Variants in MACROD2 observed in about 807,000 individuals in gnomAD.
MACROD2 encodes ADP-ribose glycohydrolase MACROD2.
MACROD2 carries 36 observed loss-of-function variants against 70.4 expected under a neutral mutation model. The ratio of observed to expected loss-of-function variants is 0.51; its 90% CI spans 0.39 to 0.68. MACROD2 has a LOEUF of 0.68. MACROD2 is among the 30% of genes least tolerant of loss of function. MACROD2 has a pLI of 0.00. For synonymous variants in MACROD2, 172 were observed against 178.8 expected (o/e 0.96, Z 0.30); for missense variants, 496 against 538.4 (o/e 0.92, Z 0.78).
intron 4 of MACROD2, among the ~76,000 whole-genome samples, chr20:14,558,386 A>G (rs1190714650): frequency 6.6e-6 from 1 of 151,806 alleles, no homozygotes; most frequent in African/African-American, 2.4e-5. Flanking sequence ...TAAACTAATT[A>G]AAAGACAGAT....
In MACROD2 at chr20:15,942,934, C is replaced by A. The variant is rs193257654; in HGVS notation, c.907+5390C>A. Among the ~76,000 whole-genome samples the A allele has an allele frequency of 8.0e-3, 1,211 of 152,252 alleles. 11 individuals are homozygous for A. Among genetic ancestry groups the A allele is most frequent in the African/African-American group, 0.027 (1,127 of 41,550 alleles). On this transcript the variant is annotated intron_variant, in intron 12 of 17. Coordinates refer to ENST00000684519, the MANE Select transcript of MACROD2 (RefSeq NM_001351661.2). ...TGCTCATTAATATTAAAAACAAAAT[C>A]AATTAATACTCAGGTGCATACCCAG...
intron 5 of MACROD2, chr20:14,894,017 C>T (rs1034077921): frequency 6.6e-6 from 1 of 151,608 alleles, no homozygotes; most frequent in African/African-American, 2.4e-5. Flanking sequence ...AACTCCTCAG[C>T]TCAAGCAATC....
chr20:15,208,426 T>C (rs982536361), intron 5 of MACROD2, among the ~76,000 whole-genome samples: 27 of 152,220 alleles, frequency 1.8e-4, no homozygotes, highest in African/African-American at 6.5e-4. Flanking sequence ...GGTCTGTTGA[T>C]TGCCTATTCT....
At chr20:15,191,919 T>TAC (rs1488215640) in intron 5 of MACROD2, among the ~76,000 whole-genome samples, 20 of 59,690 alleles carry the variant, frequency 3.4e-4, no homozygotes, top group African/African-American at 9.7e-4. Context: ...CATATGTGTA[T>TAC]ATATATATAT....
chr20:16,017,306 G>GAT (rs201960334), intron 15 of MACROD2, among the ~76,000 whole-genome samples: 1 of 150,368 alleles, frequency 6.7e-6, no homozygotes, highest in Middle Eastern at 3.4e-3. Context: ...TGGCTGCAAG[G>GAT]ATATTTTCTG....
chr20:14,486,179 A>C (rs1472575930), intron 3 of MACROD2, among the ~76,000 whole-genome samples: 1 of 152,214 alleles, frequency 6.6e-6, no homozygotes, highest in East Asian at 1.9e-4. Flanking sequence ...CACTTGAGGC[A>C]CAAAGAGACA....
At chr20:14,711,914 A>G (rs1600573561) in intron 5 of MACROD2, among the ~76,000 whole-genome samples, 1 of 152,212 alleles carries the variant, frequency 6.6e-6, no homozygotes. Context: ...GAGCTAGCTA[A>G]GTCCCTGTTA....
At chr20:14,272,289 T>A (rs4302276) in intron 3 of MACROD2, among the ~76,000 whole-genome samples, 8 of 151,914 alleles carry the variant, frequency 5.3e-5, no homozygotes, top group East Asian at 3.9e-4. Context: ...GACTAACAGC[T>A]GATCTCTCGG....
At chr20:15,550,048 A>C (rs370377219) in intron 8 of MACROD2, among the ~76,000 whole-genome samples, 54 of 152,124 alleles carry the variant, frequency 3.5e-4, no homozygotes, top group African/African-American at 1.3e-3. Context: ...AGATTTCCCC[A>C]GTTGACCCAA....
Position 14,218,618 on chromosome 20 carries a change from T to C in MACROD2, c.271+132890T>C, listed in dbSNP as rs531990957. Among the ~76,000 whole-genome samples the C allele has an allele frequency of 5.3e-5, 8 of 152,300 alleles. No homozygotes were observed. In the South Asian group the frequency reaches 1.2e-3, roughly 24 times the overall value. ...GTTTGCTTTTTAACTTGTATTTTTG[T>C]TTTATAGGTCCTGTGTGATTTATGC... On this transcript the variant is annotated intron_variant, in intron 3 of 17. Coordinates refer to ENST00000684519, the MANE Select transcript of MACROD2 (RefSeq NM_001351661.2).
intron 4 of MACROD2, among the ~76,000 whole-genome samples, chr20:14,579,714 A>G (rs1600410147): frequency 6.6e-6 from 1 of 152,336 alleles, no homozygotes; most frequent in South Asian, 2.1e-4. Context: ...TATGTATTGC[A>G]ATCATTTTGT....
intron 8 of MACROD2, among the ~76,000 whole-genome samples, chr20:15,620,996 C>T (rs937704690): frequency 2.0e-5 from 3 of 152,170 alleles, no homozygotes. Flanking sequence ...GTGGACTCCC[C>T]GGTGATAACT....
At chr20:14,304,087 C>T (rs1319038425) in intron 3 of MACROD2, among the ~76,000 whole-genome samples, 1 of 152,126 alleles carries the variant, frequency 6.6e-6, no homozygotes, top group African/African-American at 2.4e-5. Context: ...TGTCTGAGAC[C>T]TTTCCATTCT....
intron 8 of MACROD2, among the ~76,000 whole-genome samples, chr20:15,545,731 C>T (rs566409893): frequency 6.6e-6 from 1 of 152,222 alleles, no homozygotes; most frequent in South Asian, 2.1e-4. Context: ...TTTTAACCCT[C>T]TATTTAATCA....
rs144796226 is a variant in MACROD2, at chr20:15,469,773, C to T, written c.572-30001C>T. 1.0e-3 allele frequency among the ~76,000 whole-genome samples: 154 copies of T among 152,260 alleles called. 1 individual carries two copies. Among genetic ancestry groups the T allele is most frequent in the African/African-American group, 3.5e-3 (145 of 41,544 alleles). Reference sequence around the variant, plus strand: ...GGGTTTATGCAAATGGCCCCAGACACCTCATCCCAATATTACTCCTAGCAG... The same window carrying T: ...GGGTTTATGCAAATGGCCCCAGACATCTCATCCCAATATTACTCCTAGCAG... On this transcript the variant is annotated intron_variant, in intron 7 of 17. Coordinates refer to ENST00000684519, the MANE Select transcript of MACROD2 (RefSeq NM_001351661.2).
chr20:14,684,958 A>G lies in MACROD2; in HGVS notation c.417A>G (p.Lys139=). 6.2e-7 allele frequency: 1 copy of G among 1,608,862 alleles called. No homozygotes were observed. Among genetic ancestry groups the G allele is most frequent in the South Asian group, 1.1e-5 (1 of 90,968 alleles). ...KITCGYDLPA[K]YVIHTVGPIA... is the part of the protein sequence containing the mutation. ...CATGTGGCTATGACCTTCCTGCAAA[A>G]TGTGAGTACAACTGAATACTGTTTC... The change falls in exon 5 of 18, where the codon AAA becomes AAG. Residue 139 remains lysine (K), a splice_region_variant and synonymous_variant. Transcript: ENST00000684519.
At chr20:14,570,592 C>T (rs1980124300) in intron 4 of MACROD2, among the ~76,000 whole-genome samples, 1 of 151,638 alleles carries the variant, frequency 6.6e-6, no homozygotes, top group South Asian at 2.1e-4. Flanking sequence ...GAAAGAGATA[C>T]ATGATTAAAG....
intron 3 of MACROD2, among the ~76,000 whole-genome samples, chr20:14,329,503 A>G (rs1347390525): frequency 6.6e-6 from 1 of 152,072 alleles, no homozygotes; most frequent in East Asian, 1.9e-4. Flanking sequence ...TATACAAATA[A>G]AGTAGGAGCC....
intron 3 of MACROD2, among the ~76,000 whole-genome samples, chr20:14,270,177 A>G (rs1380889909): frequency 1.3e-5 from 2 of 152,206 alleles, no homozygotes; most frequent in East Asian, 1.9e-4. Context: ...ATTTCTCTCA[A>G]AAACAACATA....
Sources: gnomAD v4.1 joint callset for allele counts (sites outside exome capture counted in the v4.1 genomes callset) on GRCh38, gnomAD v4.1.1 for gene constraint, MANE v1.5 for transcripts, NCBI Gene and HGNC (gene_info 2026-07-23, HGNC 2026-07-21) for gene names.